CREB5: variants seen among roughly 807,000 people sequenced by gnomAD.
CREB5 encodes the protein cAMP responsive element binding protein 5.
In CREB5, 19 loss-of-function variants were observed where a neutral mutation model predicts 57.1. The observed-to-expected ratio is 0.33, with a 90% CI of 0.23 to 0.49. CREB5 has a LOEUF of 0.49. Ranked by LOEUF, CREB5 falls within the 20% of genes least tolerant of loss-of-function variation. The pLI is 0.99. For missense variants in CREB5, 579 were observed against 671.6 expected (o/e 0.86, Z 1.52); for synonymous variants, 238 against 238.3 (o/e 1.00, Z 0.01).
rs570704511 is a variant in CREB5 at position 28,824,261 on chromosome 7, A to T, written c.*4982A>T. 79 of 152,700 alleles carry T rather than the reference A, an allele frequency of 5.2e-4. No homozygotes were observed. The highest frequency in any genetic ancestry group is 1.9e-3 in the African/African-American group (77 of 41,554). 9.5% of individuals were successfully genotyped at this position (152,700 alleles called of 1,614,324 possible). ...TCCCTTTATTCATAGCATGTTTTTT[A>T]AAAATGTTATATTATGCAACAGATG... is the stretch of plus-strand genomic sequence containing the variant. On this transcript the variant is annotated 3_prime_UTR_variant, in exon 11 of 11. Transcript: ENST00000357727.
At chr7:28,648,280 T>C (rs1798967431) in intron 5 of CREB5, among the ~76,000 whole-genome samples, 1 of 152,306 alleles carries the variant, frequency 6.6e-6, no homozygotes, top group African/African-American at 2.4e-5. Flanking sequence ...TGATTTCTCT[T>C]GATAGTCTTT....
intron 4 of CREB5, among the ~76,000 whole-genome samples, chr7:28,538,240 G>A (rs1794053008): frequency 1.3e-5 from 2 of 152,060 alleles, no homozygotes; most frequent in South Asian, 2.1e-4. Flanking sequence ...TTTTAGTAGA[G>A]ACAGAGTTTC....
intron 5 of CREB5, among the ~76,000 whole-genome samples, chr7:28,688,951 G>A (rs1256071861): frequency 2.0e-5 from 3 of 152,072 alleles, no homozygotes; most frequent in Non-Finnish European, 2.9e-5. Flanking sequence ...ACAGAGACAA[G>A]GCCAGGAGCA....
chr7:28,643,755 G>C (rs199540928), intron 5 of CREB5, among the ~76,000 whole-genome samples: 3 of 104,594 alleles, frequency 2.9e-5, no homozygotes, highest in East Asian at 2.6e-4. Context: ...GGGAGGTGGG[G>C]GGGGGCGGAA....
intron 1 of CREB5, among the ~76,000 whole-genome samples, chr7:28,441,240 A>C (rs1391187837): frequency 6.6e-6 from 1 of 152,230 alleles, no homozygotes; most frequent in African/African-American, 2.4e-5. Flanking sequence ...CATTTGGTTG[A>C]AAGCTCCAAG....
intron 4 of CREB5, among the ~76,000 whole-genome samples, chr7:28,564,397 C>T (rs1314642752): frequency 1.3e-5 from 2 of 152,200 alleles, no homozygotes; most frequent in Non-Finnish European, 2.9e-5. Context: ...TCCTTCATTA[C>T]CACACCCTGA....
intron 1 of CREB5, among the ~76,000 whole-genome samples, chr7:28,476,028 A>G (rs1024953964): frequency 2.0e-5 from 3 of 152,168 alleles, no homozygotes; most frequent in African/African-American, 7.2e-5. Context: ...AGGTATTGTC[A>G]TTGTTGTAAA....
intron 1 of CREB5, among the ~76,000 whole-genome samples, chr7:28,443,367 G>C (rs1442082262): frequency 1.3e-5 from 2 of 152,156 alleles, no homozygotes; most frequent in African/African-American, 4.8e-5. Context: ...TTGCTCCCAA[G>C]GGAGATATCT....
chr7:28,553,453 T>C (rs1794748526), intron 4 of CREB5, among the ~76,000 whole-genome samples: 1 of 152,238 alleles, frequency 6.6e-6, no homozygotes, highest in Non-Finnish European at 1.5e-5. Context: ...AGGAAATCAA[T>C]TTGCACCCCT....
intron 7 of CREB5, among the ~76,000 whole-genome samples, chr7:28,755,705 A>G (rs1171988651): frequency 2.6e-5 from 4 of 152,228 alleles, no homozygotes; most frequent in East Asian, 3.9e-4. Context: ...GTGTTAAACA[A>G]TGATTAAACG....
chr7:28,560,927 T>TGCGTGC (rs1795186345), intron 4 of CREB5, among the ~76,000 whole-genome samples: 10 of 57,600 alleles, frequency 1.7e-4, no homozygotes, highest in African/African-American at 8.1e-4. Context: ...TGTGTGCGCG[T>TGCGTGC]GCGTGTGTGC....
intron 1 of CREB5, among the ~76,000 whole-genome samples, chr7:28,481,323 GGC>G (rs1791323249): frequency 2.0e-5 from 3 of 152,200 alleles, no homozygotes; most frequent in African/African-American, 7.2e-5. Context: ...ACCAGGGGAT[GGC>G]AAATATCTTT....
At chr7:28,526,349 A>G (rs902709894) in intron 4 of CREB5, among the ~76,000 whole-genome samples, 1 of 49,460 alleles carries the variant, frequency 2.0e-5, no homozygotes, top group Admixed American at 2.5e-4. Flanking sequence ...GCTGACTTCC[A>G]GGTCAGAAAA....
intron 1 of CREB5, among the ~76,000 whole-genome samples, chr7:28,444,552 G>A (rs1489775382): frequency 6.6e-6 from 1 of 152,152 alleles, no homozygotes; most frequent in African/African-American, 2.4e-5. Flanking sequence ...GTCACAGCAG[G>A]GGAAAGACTC....
At chr7:28,685,377 G>A (rs953566542) in intron 5 of CREB5, among the ~76,000 whole-genome samples, 7 of 152,168 alleles carry the variant, frequency 4.6e-5, no homozygotes, top group Admixed American at 2.0e-4. Context: ...ACACGGGCAC[G>A]TGTTTGGACC....
chr7:28,458,929 C>A (rs1157650114), intron 1 of CREB5, among the ~76,000 whole-genome samples: 1 of 152,140 alleles, frequency 6.6e-6, no homozygotes, highest in Non-Finnish European at 1.5e-5. Flanking sequence ...GTGTGATAAC[C>A]CTGGTGGGCC....
At chr7:28,653,227 T>C (rs534007868) in intron 5 of CREB5, among the ~76,000 whole-genome samples, 10 of 152,296 alleles carry the variant, frequency 6.6e-5, no homozygotes, top group Admixed American at 5.9e-4. Context: ...ATTTGAAAAA[T>C]AGAACTAGGT....
At chr7:28,662,600 C>T (rs1380461995) in intron 5 of CREB5, among the ~76,000 whole-genome samples, 5 of 152,192 alleles carry the variant, frequency 3.3e-5, no homozygotes, top group Admixed American at 2.6e-4. Context: ...CACTTACCTA[C>T]AGACGATGAG....
Position 28,773,162 on chromosome 7 carries a change from AAAAC to A in CREB5, c.703-31029_703-31026del, listed in dbSNP as rs767574278. Among the ~76,000 whole-genome samples, 55 of 152,120 alleles carry A rather than the reference AAAAC, an allele frequency of 3.6e-4. 2 individuals carry two copies. The highest frequency in any genetic ancestry group is 8.3e-4 in the South Asian group (4 of 4,822). On this transcript the variant is annotated intron_variant, in intron 7 of 10. Transcript: ENST00000357727. ...ACTTTCTTAAATAGCTTGGTTTCCA[AAAAC>A]AAACAAAAAAAAAATCACTTTAAGA...
Sources: gnomAD v4.1 joint callset for allele counts (sites outside exome capture counted in the v4.1 genomes callset) on GRCh38, gnomAD v4.1.1 for gene constraint, MANE v1.5 for transcripts, NCBI Gene and HGNC (gene_info 2026-07-23, HGNC 2026-07-21) for gene names.